DNAH2: variants seen among roughly 807,000 people sequenced by gnomAD.
The protein encoded by DNAH2 is dynein axonemal heavy chain 2, also known as axonemal beta dynein heavy chain 2.
Under a neutral mutation model 523.5 loss-of-function variants are expected in DNAH2, and 323 were observed. That is an observed-to-expected ratio of 0.62 (90% CI 0.56 to 0.68). The LOEUF (loss-of-function observed/expected upper bound fraction) is 0.68, where lower values mean the gene tolerates loss of function less well. Among genes scored for constraint, DNAH2 ranks in the 30% least tolerant of loss-of-function variants. The probability of loss-of-function intolerance (pLI) is 0.00; values close to 1 mark genes in which losing one functional copy is unlikely to be tolerated. For synonymous variants in DNAH2, 2,093 were observed against 2,177.4 expected, an observed-to-expected ratio of 0.96 and a Z score of 1.08; for missense variants, 4,907 against 5,701.5, an observed-to-expected ratio of 0.86 and a Z score of 4.49.
chr17:7,762,446 C>T (rs577122277), intron 18 of DNAH2, among the ~76,000 whole-genome samples: 1 of 151,630 alleles, frequency 6.6e-6, no homozygotes, highest in East Asian at 1.9e-4. Flanking sequence ...TGCCATTCTC[C>T]TGCCTCAGCC....
At chr17:7,749,306 CCCAAAAAAAAAAAA>C (rs2075607456) in intron 12 of DNAH2, among the ~76,000 whole-genome samples, 11 of 3,498 alleles carry the variant, frequency 3.1e-3, no homozygotes, top group Non-Finnish European at 4.1e-3. Flanking sequence ...TAAACTCCCC[CCCAAAAAAAAAAAA>C]AAAAAAAAAA....
intron 63 of DNAH2, among the ~76,000 whole-genome samples, chr17:7,813,944 T>C (rs777499776): frequency 5.9e-5 from 9 of 151,468 alleles, no homozygotes; most frequent in Non-Finnish European, 1.2e-4. Context: ...CAAAAAAATA[T>C]GTGAGTGCTG....
In DNAH2 at chr17:7,777,578, C is replaced by A. The variant is rs1403183253; in HGVS notation, c.5191C>A (p.Leu1731Ile). 2.0e-5 allele frequency: 33 copies of A among 1,614,170 alleles called. No individual in the cohort carries two copies. The highest frequency in any genetic ancestry group is 2.7e-5 in the Non-Finnish European group (32 of 1,180,024). Reference sequence around the variant, plus strand: ...GTTGGAGAAGCTTTACAAGAGTGGCCTCATGGATGTCAATTCCTTTGACTG... The same window carrying A: ...GTTGGAGAAGCTTTACAAGAGTGGCATCATGGATGTCAATTCCTTTGACTG... Reference protein sequence around the residue: ...DVLEKLYKSGLMDVNSFDWLS... With the variant: ...DVLEKLYKSGIMDVNSFDWLS... Residue 1731 changes from leucine (L) to isoleucine (I), a missense_variant, in exon 33 of 86, where the codon CTC becomes ATC. By Grantham distance (5) the Leu-to-Ile change is conservative (BLOSUM62 2). Coordinates refer to ENST00000572933, the MANE Select transcript of DNAH2 (RefSeq NM_020877.5).
chr17:7,814,185 C>CAAAAAA (rs59214536), intron 63 of DNAH2, among the ~76,000 whole-genome samples: 1 of 101,478 alleles, frequency 9.9e-6, no homozygotes, highest in Non-Finnish European at 2.0e-5. Context: ...CACTATTCTC[C>CAAAAAA]AAAAAAAAAA....
At chr17:7,811,706 T>A (rs1269071377) in intron 63 of DNAH2, among the ~76,000 whole-genome samples, 1 of 152,188 alleles carries the variant, frequency 6.6e-6, no homozygotes, top group Non-Finnish European at 1.5e-5. Context: ...ATCCCATTCC[T>A]GAGGGCCCTA....
At chr17:7,728,806 G>A (rs1215790070) in intron 4 of DNAH2, among the ~76,000 whole-genome samples, 1 of 152,070 alleles carries the variant, frequency 6.6e-6, no homozygotes, top group African/African-American at 2.4e-5. Context: ...GTAACATAGT[G>A]CAACCCCATC....
At position 7,816,705 on chromosome 17, in the gene DNAH2, C is replaced by G. The variant is rs143512388; in HGVS notation, c.9864C>G (p.Gly3288=). 1 of 1,614,010 alleles carries G rather than the reference C, an allele frequency of 6.2e-7. No individual in the cohort carries two copies. Among genetic ancestry groups the G allele is most frequent in the South Asian group, 1.1e-5 (1 of 91,082 alleles). ...RAGMLVSGLA[G]EKARWEETVQ... ...GGATGCTCGTGTCGGGGTTGGCTGG[C>G]GAGAAGGCCAGATGGGAGGAGACAG... Residue 3288 remains glycine (G), a synonymous_variant, in exon 64 of 86, where the codon GGC becomes GGG. Transcript: ENST00000572933.
At chr17:7,737,935 A>G (rs1353993681) in intron 8 of DNAH2, 1 of 701,558 alleles carries the variant, frequency 1.4e-6, no homozygotes, top group Non-Finnish European at 2.6e-6. Flanking sequence ...GGAGGTGGGG[A>G]CAGAGGCTGT....
chr17:7,757,456 A>G (rs2075877060), intron 13 of DNAH2, among the ~76,000 whole-genome samples: 1 of 152,042 alleles, frequency 6.6e-6, no homozygotes, highest in Admixed American at 6.6e-5. Context: ...AAAGCCAACC[A>G]GGTCCCCTCC....
chr17:7,780,300 CT>C lies in DNAH2; in HGVS notation c.5850+20del, dbSNP rs774069133. 46 of 1,613,632 alleles carry C rather than the reference CT, an allele frequency of 2.9e-5. No individual in the cohort carries two copies. Among genetic ancestry groups the C allele is most frequent in the Non-Finnish European group, 3.7e-5 (44 of 1,179,958 alleles). On this transcript the variant is annotated intron_variant, in intron 37 of 85. Transcript: ENST00000572933. The surrounding 1 kb of genome is among the most constrained non-coding windows in gnomAD (Gnocchi z 4.4). ...CAACTGCAAGGTACTCCAATAACCC[CT>C]TTTCTCCAGTGATTTTAATTTCCTT...
chr17:7,745,090 G>A (rs1310780891), intron 12 of DNAH2, among the ~76,000 whole-genome samples: 2 of 151,910 alleles, frequency 1.3e-5, no homozygotes, highest in Non-Finnish European at 2.9e-5. Flanking sequence ...CGCCTCCTGA[G>A]TTCAAGCAAT....
At chr17:7,763,770 G>A (rs909586869) in intron 18 of DNAH2, 61 bp from the exon 19 acceptor site, 37 of 1,596,648 alleles carry the variant, frequency 2.3e-5, no homozygotes, top group Admixed American at 3.3e-5. Context: ...AGCCCGTGTG[G>A]GGACAGAGGG....
In DNAH2 at chr17:7,766,753, T is replaced by C. The variant is rs576294553; in HGVS notation, c.3675+272T>C. 1.4e-4 allele frequency among the ~76,000 whole-genome samples: 20 copies of C among 148,046 alleles called. 1 individual carries two copies. The Middle Eastern group carries it at 0.01, about 77-fold the overall frequency. Reference sequence around the variant, plus strand: ...ACCTCTGCCTCCCGGGTTCAAGCGATTCTCATGCCTCACACTCCCGAGTAG... The same window carrying C: ...ACCTCTGCCTCCCGGGTTCAAGCGACTCTCATGCCTCACACTCCCGAGTAG... On this transcript the variant is annotated intron_variant, in intron 22 of 85. Coordinates refer to ENST00000572933, the MANE Select transcript of DNAH2 (RefSeq NM_020877.5).
At chr17:7,734,103 C>G (rs2075070458) in intron 5 of DNAH2, 80 bp from the exon 6 acceptor site, 1 of 1,245,708 alleles carries the variant, frequency 8.0e-7, no homozygotes, top group African/African-American at 1.5e-5. Flanking sequence ...TGGTCCCCTA[C>G]CGATCATCAA....
At chr17:7,736,606 A>T (rs997754211) in intron 7 of DNAH2, among the ~76,000 whole-genome samples, 7 of 152,234 alleles carry the variant, frequency 4.6e-5, no homozygotes, top group African/African-American at 1.7e-4. Flanking sequence ...GCTCACAGAG[A>T]CCTGAAATGA....
At chr17:7,741,107 G>A (rs2075302008) in intron 11 of DNAH2, 115 bp downstream of exon 11, 1 of 1,341,596 alleles carries the variant, frequency 7.5e-7, no homozygotes, top group African/African-American at 1.5e-5. Flanking sequence ...ATGTCGGTGA[G>A]GGGAGTGGCA....
intron 12 of DNAH2, among the ~76,000 whole-genome samples, chr17:7,744,632 C>T (rs897773628): frequency 1.3e-5 from 2 of 152,068 alleles, no homozygotes; most frequent in Non-Finnish European, 2.9e-5. Context: ...GAAAAGGCTT[C>T]GAGTAGTGAG....
At chr17:7,771,170 C>G (rs1340162028) in intron 27 of DNAH2, among the ~76,000 whole-genome samples, 160 bp from the exon 28 acceptor site, 2 of 152,088 alleles carry the variant, frequency 1.3e-5, no homozygotes, top group African/African-American at 4.8e-5. Context: ...GTAGCTGGCC[C>G]CCTACCTCCA....
Position 7,819,439 on chromosome 17 carries a change from C to G in DNAH2, c.11015+31C>G, listed in dbSNP as rs187890177. 5 of 1,612,968 alleles carry G rather than the reference C, an allele frequency of 3.1e-6. No homozygotes were observed. In the African/African-American group the frequency reaches 5.3e-5, roughly 17 times the overall value. ...AGGGTGCCCCCAACATGCCCCAGCC[C>G]GGAGGCCGAGTGGCTGTGGTTCTTC... On this transcript the variant is annotated intron_variant, in intron 72 of 85. Coordinates refer to ENST00000572933, the MANE Select transcript of DNAH2 (RefSeq NM_020877.5).
Sources: gnomAD v4.1 joint callset for allele counts (sites outside exome capture counted in the v4.1 genomes callset) on GRCh38, gnomAD v4.1.1 for gene constraint, Gnocchi (gnomAD v3.1) non-coding constraint, MANE v1.5 for transcripts, NCBI Gene and HGNC (gene_info 2026-07-23, HGNC 2026-07-21) for gene names.